ATOH8: variants seen among roughly 807,000 people sequenced by gnomAD.
The protein encoded by ATOH8 is transcription factor ATOH8.
A neutral mutation model predicts 21.2 loss-of-function variants in ATOH8; 9 were observed. The observed-to-expected ratio is 0.42, with a 90% confidence interval of 0.26 to 0.74. The LOEUF is 0.74. Ranked by LOEUF, ATOH8 falls within the 30% of genes least tolerant of loss-of-function variation. The pLI is 0.24. For synonymous variants in ATOH8, 253 were observed against 224.0 expected (o/e 1.13, Z -1.16); for missense variants, 524 against 470.9 (o/e 1.11, Z -1.04).
intron 1 of ATOH8, among the ~76,000 whole-genome samples, chr2:85,757,196 T>C (rs774323853): frequency 6.6e-6 from 1 of 152,236 alleles, no homozygotes; most frequent in Non-Finnish European, 1.5e-5. Context: ...GGCACCTGCC[T>C]GTTAGCTGGG....
chr2:85,774,705 G>A, intron 2 of ATOH8: 2 of 985,500 alleles, frequency 2.0e-6, no homozygotes, highest in Non-Finnish European at 2.4e-6. Flanking sequence ...CAGGCCAAGG[G>A]ATGAGGCCAG....
chr2:85,767,580 T>TCCTTCCCTCCCCTGCCCTCCCCTCC (rs1558611972), intron 2 of ATOH8, among the ~76,000 whole-genome samples: 5 of 79,288 alleles, frequency 6.3e-5, no homozygotes, highest in East Asian at 3.9e-4. Context: ...CCCTCCCCTC[T>TCCTTCCCTCCCCTGCCCTCCCCTCC]CCTTCCCTTC....
rs1264270895 is a variant in ATOH8, at chr2:85,790,041, C to T, written c.*3151C>T. On this transcript the variant is annotated 3_prime_UTR_variant, in exon 3 of 3. Transcript: ENST00000306279. Reference sequence around the variant, plus strand: ...GATAGATTCAGATTCCAACGGCAGTCTTCTAAACACTTTTATGCAAGCAGC... The same window carrying T: ...GATAGATTCAGATTCCAACGGCAGTTTTCTAAACACTTTTATGCAAGCAGC... Among the ~76,000 whole-genome samples the T allele has an allele frequency of 6.6e-6, 1 of 152,206 alleles. No homozygotes were observed. The highest frequency in any genetic ancestry group is 2.4e-5 in the African/African-American group (1 of 41,442).
In ATOH8 at chr2:85,785,315, C is replaced by A. The variant is rs746132005; in HGVS notation, c.961-1570C>A. On this transcript the variant is annotated intron_variant, in intron 2 of 2. Coordinates refer to ENST00000306279, the MANE Select transcript of ATOH8 (RefSeq NM_032827.7). This position sits in a 1 kb window ranked among gnomAD's most constrained non-coding sequence, Gnocchi z 4.1. ...GGTTTCCTTTCCGCTTCTTAATCCT[C>A]CTCCTCAGACTCGGTAACACAAAGC... Among the ~76,000 whole-genome samples the A allele has an allele frequency of 1.8e-4, 27 of 152,274 alleles. No individual in the cohort carries two copies. The highest frequency in any genetic ancestry group is 3.5e-4 in the Non-Finnish European group (24 of 68,050).
At chr2:85,781,750 A>C (rs1308588213) in intron 2 of ATOH8, among the ~76,000 whole-genome samples, 1 of 151,786 alleles carries the variant, frequency 6.6e-6, no homozygotes, top group Non-Finnish European at 1.5e-5. Context: ...TGGTGGCATG[A>C]GCCTGTGGTC....
chr2:85,757,969 A>G (rs948718311), intron 1 of ATOH8, among the ~76,000 whole-genome samples: 18 of 151,838 alleles, frequency 1.2e-4, no homozygotes, highest in African/African-American at 4.4e-4. Context: ...GTATTTTAGT[A>G]GGGATGGGGG....
chr2:85,754,566 C>A lies in ATOH8; in HGVS notation c.377C>A (p.Pro126Gln). The A allele has an allele frequency of 6.9e-7, 1 of 1,440,104 alleles. No individual in the cohort carries two copies. The highest frequency in any genetic ancestry group is 9.0e-7 in the Non-Finnish European group (1 of 1,108,454). The allele number at this position is 1,440,104 out of a possible 1,614,324, so 89.2% of individuals were successfully genotyped here. The change falls in exon 1 of 3, where the codon CCG (proline) becomes CAG (glutamine). Residue 126 changes from proline to glutamine, a missense_variant. Pro to Gln is a moderately conservative substitution (Grantham distance 76). Transcript: ENST00000306279. ...AVGPGLPTPPPPPPPAPQSQA... is the reference protein window; with the variant it reads ...AVGPGLPTPPQPPPPAPQSQA... Reference sequence around the variant, plus strand: ...GGGCCAGGACTCCCCACGCCGCCGCCGCCGCCGCCTCCTGCGCCCCAGAGC... The same window carrying A: ...GGGCCAGGACTCCCCACGCCGCCGCAGCCGCCGCCTCCTGCGCCCCAGAGC...
intron 2 of ATOH8, among the ~76,000 whole-genome samples, chr2:85,769,685 G>A (rs1558612751): frequency 6.6e-6 from 1 of 152,206 alleles, no homozygotes; most frequent in Non-Finnish European, 1.5e-5. Flanking sequence ...TTTGGTGTGA[G>A]CTGAGGGTGT....
chr2:85,771,613 C>CA (rs1680183296), intron 2 of ATOH8, among the ~76,000 whole-genome samples: 1 of 152,298 alleles, frequency 6.6e-6, no homozygotes, highest in African/African-American at 2.4e-5. Flanking sequence ...GCACCCTTAG[C>CA]ATAGGGTGCA....
At chr2:85,776,406 T>C (rs1452418732) in intron 2 of ATOH8, among the ~76,000 whole-genome samples, 1 of 152,156 alleles carries the variant, frequency 6.6e-6, no homozygotes, top group African/African-American at 2.4e-5. Context: ...GTGAGGAGCG[T>C]TTGAGGAAAT....
chr2:85,784,314 G>T (rs1333045555), intron 2 of ATOH8, among the ~76,000 whole-genome samples: 1 of 152,168 alleles, frequency 6.6e-6, no homozygotes, highest in Non-Finnish European at 1.5e-5. Context: ...GAGGCGAGGG[G>T]ATTGCTTGCA....
At chr2:85,757,786 A>ATTTT (rs11398141) in intron 1 of ATOH8, among the ~76,000 whole-genome samples, 3 of 138,712 alleles carry the variant, frequency 2.2e-5, no homozygotes, top group Non-Finnish European at 4.6e-5. Context: ...CTTTCATTTC[A>ATTTT]TTTTTTTTTT....
rs1241341858 is a variant in ATOH8 at position 85,788,628 on chromosome 2, A to G, written c.*1738A>G. Among the ~76,000 whole-genome samples, 2 of 152,192 alleles carry G rather than the reference A, an allele frequency of 1.3e-5. No homozygotes were observed. Among genetic ancestry groups the G allele is most frequent in the African/African-American group, 4.8e-5 (2 of 41,448 alleles). ...AATAGGAGAGCACTGTCAAGGCAGA[A>G]GGGACAGGGCTGGCCAAGGAAAGGG... is the stretch of plus-strand genomic sequence containing the variant. On this transcript the variant is annotated 3_prime_UTR_variant, in exon 3 of 3. Transcript: ENST00000306279.
intron 2 of ATOH8, among the ~76,000 whole-genome samples, chr2:85,768,242 A>G (rs1050574015): frequency 3.9e-5 from 6 of 152,094 alleles, no homozygotes; most frequent in Non-Finnish European, 5.9e-5. Context: ...TCCTACCCCA[A>G]TGAGCCACGC....
chr2:85,772,509 C>G (rs1051585508), intron 2 of ATOH8: 2 of 346,264 alleles, frequency 5.8e-6, no homozygotes, highest in Non-Finnish European at 1.1e-5. Context: ...AGCACGCGAG[C>G]TGGAAGCCCA....
In ATOH8 at chr2:85,790,600, G is replaced by T. The variant is rs1245791075; in HGVS notation, c.*3710G>T. On this transcript the variant is annotated 3_prime_UTR_variant, in exon 3 of 3. Coordinates refer to ENST00000306279, the MANE Select transcript of ATOH8 (RefSeq NM_032827.7). ...CTCTGTGCTGTTCTCTTTTTTTCTG[G>T]ATTTCTCCACCTCCACCAAGTTCCC... is the stretch of plus-strand genomic sequence containing the variant. 6.6e-6 allele frequency among the ~76,000 whole-genome samples: 1 copy of T among 152,238 alleles called. No homozygotes were observed. The highest frequency in any genetic ancestry group is 2.1e-4 in the South Asian group (1 of 4,824).
chr2:85,769,840 G>C (rs1006449459), intron 2 of ATOH8, among the ~76,000 whole-genome samples: 3 of 152,068 alleles, frequency 2.0e-5, no homozygotes, highest in Admixed American at 6.5e-5. Flanking sequence ...GGCCCCTAGG[G>C]TGCCCACCAA....
At chr2:85,781,915 G>A (rs967016786) in intron 2 of ATOH8, among the ~76,000 whole-genome samples, 4 of 151,968 alleles carry the variant, frequency 2.6e-5, no homozygotes, top group Admixed American at 1.3e-4. Context: ...AAATAAAAAA[G>A]ATGAGGAAAC....
chr2:85,759,484 G>T (rs1679804489), intron 1 of ATOH8, among the ~76,000 whole-genome samples: 1 of 152,146 alleles, frequency 6.6e-6, no homozygotes, highest in Admixed American at 6.5e-5. Flanking sequence ...GACGCAGATT[G>T]CTCAAGCCCA....
Sources: gnomAD v4.1 joint callset for allele counts (sites outside exome capture counted in the v4.1 genomes callset) on GRCh38, gnomAD v4.1.1 for gene constraint, Gnocchi (gnomAD v3.1) non-coding constraint, MANE v1.5 for transcripts, NCBI Gene and HGNC (gene_info 2026-07-23, HGNC 2026-07-21) for gene names.